TXNRD1: variants seen among roughly 807,000 people sequenced by gnomAD.
TXNRD1 encodes the protein thioredoxin reductase 1, also known as thioredoxin reductase 1, cytoplasmic.
TXNRD1 carries 57 observed loss-of-function variants against 80.3 expected under a neutral mutation model. The ratio of observed to expected loss-of-function variants is 0.71; its 90% CI spans 0.57 to 0.89. TXNRD1 has a LOEUF of 0.89. Among genes scored for constraint, TXNRD1 ranks in the 40% least tolerant of loss-of-function variants. The pLI is 0.00. For missense variants in TXNRD1, 730 were observed against 803.0 expected (o/e 0.91, Z 1.10); for synonymous variants, 291 against 285.2 (o/e 1.02, Z -0.20).
chr12:104,311,376 C>G lies in TXNRD1; in HGVS notation c.501C>G (p.Ile167Met). Residue 167 changes from isoleucine (I) to methionine (M), a missense_variant, in exon 5 of 17, where the codon ATC becomes ATG. Coordinates refer to ENST00000525566, the MANE Select transcript of TXNRD1 (RefSeq NM_001093771.3). ...LPKSYDYDLI[I>M]IGGGSGGLAA... ...AGTCCTATGACTATGACCTTATCAT[C>G]ATTGGAGGTGGCTCAGGAGGTCTGG... 6.2e-7 allele frequency: 1 copy of G among 1,613,636 alleles called. No individual in the cohort carries two copies. The highest frequency in any genetic ancestry group is 8.5e-7 in the Non-Finnish European group (1 of 1,179,714).
intron 1 of TXNRD1, among the ~76,000 whole-genome samples, chr12:104,245,838 G>A (rs1373801408): frequency 2.6e-5 from 4 of 152,076 alleles, no homozygotes; most frequent in African/African-American, 9.6e-5. Context: ...GGCCGGGCGC[G>A]GTGGCTCACG....
At chr12:104,270,718 T>A (rs547114672) in intron 3 of TXNRD1, among the ~76,000 whole-genome samples, 3 of 152,320 alleles carry the variant, frequency 2.0e-5, no homozygotes, top group African/African-American at 7.2e-5. Flanking sequence ...AATGACTAAA[T>A]ACTGGCCTAA....
chr12:104,304,445 GT>G, intron 4 of TXNRD1: 1 of 1,613,990 alleles, frequency 6.2e-7, no homozygotes, highest in Non-Finnish European at 8.5e-7. Context: ...ATTCCATTTT[GT>G]TTTTGGTTCA....
intron 1 of TXNRD1, among the ~76,000 whole-genome samples, chr12:104,217,130 C>T (rs1026487847): frequency 6.6e-6 from 1 of 152,142 alleles, no homozygotes; most frequent in Non-Finnish European, 1.5e-5. Flanking sequence ...AGGTCCAGGT[C>T]AGGCAGCTAA....
chr12:104,273,422 G>A (rs966467776), intron 3 of TXNRD1, among the ~76,000 whole-genome samples: 2 of 152,042 alleles, frequency 1.3e-5, no homozygotes, highest in African/African-American at 2.4e-5. Flanking sequence ...GTGAAACCCC[G>A]TCTGTAATAA....
chr12:104,233,646 C>T (rs537702296), intron 1 of TXNRD1, among the ~76,000 whole-genome samples: 2 of 152,104 alleles, frequency 1.3e-5, no homozygotes, highest in Admixed American at 6.5e-5. Flanking sequence ...CTCAGCCTCC[C>T]GAGTAGCTGG....
Position 104,348,508 on chromosome 12 carries a change from T to C in TXNRD1, c.*87T>C, listed in dbSNP as rs2036562744. On this transcript the variant is annotated 3_prime_UTR_variant, in exon 17 of 17. Coordinates refer to ENST00000525566, the MANE Select transcript of TXNRD1 (RefSeq NM_001093771.3). The stretch of plus-strand genomic sequence containing the variant: ...CAAGGCGAAGTTTTCTAGAGGGTTC[T>C]TGGGCTCTTGGCACCTGCGTGTCCT... 6.0e-6 allele frequency: 8 copies of C among 1,326,264 alleles called. No homozygotes were observed. In the Admixed American group the frequency reaches 1.0e-4, roughly 17 times the overall value. 82.2% of individuals were successfully genotyped at this position (1,326,264 alleles called of 1,614,324 possible).
chr12:104,337,472 G>A (rs2135879930), intron 15 of TXNRD1, among the ~76,000 whole-genome samples: 1 of 152,144 alleles, frequency 6.6e-6, no homozygotes. Context: ...TTTGGCAGAG[G>A]TAGCCAGAGT....
intron 4 of TXNRD1, among the ~76,000 whole-genome samples, chr12:104,305,377 C>A (rs1246461815): frequency 1.3e-5 from 2 of 151,806 alleles, no homozygotes; most frequent in Non-Finnish European, 2.9e-5. Context: ...AAAAACCTGT[C>A]TGTAAGGCAG....
intron 3 of TXNRD1, among the ~76,000 whole-genome samples, chr12:104,281,620 C>T (rs1031050377): frequency 5.3e-5 from 8 of 151,808 alleles, no homozygotes; most frequent in Admixed American, 3.3e-4. Context: ...GTTAGCCAGG[C>T]TCATCTCAAT....
chr12:104,337,695 A>AAAAAC (rs1356069416), intron 15 of TXNRD1, among the ~76,000 whole-genome samples: 1 of 151,952 alleles, frequency 6.6e-6, no homozygotes, highest in East Asian at 1.9e-4. Flanking sequence ...CATGTCTATT[A>AAAAAC]AAAACAAAAC....
At chr12:104,334,114 A>G (rs902430400) in intron 14 of TXNRD1, 123 bp from the exon 15 acceptor site, 1 of 431,666 alleles carries the variant, frequency 2.3e-6, no homozygotes, top group Non-Finnish European at 4.0e-6. Context: ...TATTTATTCC[A>G]TGAATTTTAT....
At chr12:104,318,835 A>G (rs2035421675) in intron 7 of TXNRD1, 78 bp from the exon 8 acceptor site, 1 of 1,506,524 alleles carries the variant, frequency 6.6e-7, no homozygotes, top group South Asian at 1.3e-5. Context: ...CCTGTATTTC[A>G]CTTGAGTGGT....
Position 104,265,893 on chromosome 12 carries a change from G to GAAAAAA in TXNRD1, c.304+7828_304+7833dup, listed in dbSNP as rs34390973. 1.7e-5 allele frequency: 10 copies of GAAAAAA among 575,468 alleles called. No individual in the cohort carries two copies. The East Asian group carries it at 2.4e-4, about 14-fold the overall frequency. The allele number at this position is 575,468 out of a possible 1,614,324, so 35.6% of individuals were successfully genotyped here. The stretch of plus-strand genomic sequence containing the variant: ...AAATAAACTCAGGAACGCCCCGGTG[G>GAAAAAA]AAAAAAAAAAAAAAAAAAAGTGATC... On this transcript the variant is annotated intron_variant, in intron 3 of 16. Coordinates refer to ENST00000525566, the MANE Select transcript of TXNRD1 (RefSeq NM_001093771.3).
chr12:104,245,310 C>T (rs372576231), intron 1 of TXNRD1, among the ~76,000 whole-genome samples: 1 of 150,836 alleles, frequency 6.6e-6, no homozygotes, highest in Non-Finnish European at 1.5e-5. Context: ...TTGGGAGTTC[C>T]AGACCAGCCT....
intron 3 of TXNRD1, chr12:104,265,393 C>T (rs1267486044): frequency 1.6e-5 from 26 of 1,606,120 alleles, no homozygotes; most frequent in Non-Finnish European, 1.3e-5. Context: ...GCCCCTCTAC[C>T]GCATGCGAAT....
At chr12:104,261,061 A>C (rs1362606124) in intron 3 of TXNRD1, among the ~76,000 whole-genome samples, 1 of 152,028 alleles carries the variant, frequency 6.6e-6, no homozygotes, top group Non-Finnish European at 1.5e-5. Context: ...GTGATTTAAT[A>C]CATGTATGAA....
In TXNRD1 at chr12:104,215,845, A is replaced by G. The variant is rs1481621459; in HGVS notation, c.43A>G (p.Thr15Ala). Reference sequence around the variant, plus strand: ...CAAGGCAGTGGCGGCGGCCGCCCCAACGGAGCTGCAGACGAAAGGCAAGAA... The same window carrying G: ...CAAGGCAGTGGCGGCGGCCGCCCCAGCGGAGCTGCAGACGAAAGGCAAGAA... ...EGKAVAAAAPTELQTKGKNGD... is the reference protein window; with the variant it reads ...EGKAVAAAAPAELQTKGKNGD... Residue 15 changes from threonine to alanine, a missense_variant, in exon 1 of 17, where the codon ACG (threonine) becomes GCG (alanine). Coordinates refer to ENST00000525566, the MANE Select transcript of TXNRD1 (RefSeq NM_001093771.3). 1.5e-5 allele frequency: 24 copies of G among 1,560,520 alleles called. No homozygotes were observed. Among genetic ancestry groups the G allele is most frequent in the South Asian group, 2.4e-5 (2 of 84,610 alleles).
intron 2 of TXNRD1, among the ~76,000 whole-genome samples, chr12:104,257,071 G>A (rs916548865): frequency 4.6e-5 from 7 of 150,538 alleles, no homozygotes; most frequent in African/African-American, 1.7e-4. Flanking sequence ...ATAACTGGAG[G>A]AATATGGTTC....
Sources: allele counts gnomAD v4.1 joint callset (sites outside exome capture counted in the v4.1 genomes callset), GRCh38; gene constraint gnomAD v4.1.1; transcripts MANE v1.5; gene names NCBI Gene and HGNC (gene_info 2026-07-23, HGNC 2026-07-21).